KHDRBS2: variants seen among roughly 807,000 people sequenced by gnomAD.
The protein encoded by KHDRBS2 is KH domain-containing, RNA-binding, signal transduction-associated protein 2.
Under a neutral mutation model 44.3 loss-of-function variants are expected in KHDRBS2, and 26 were observed. The ratio of observed to expected loss-of-function variants is 0.59; its 90% CI spans 0.43 to 0.81. The LOEUF (loss-of-function observed/expected upper bound fraction) is 0.81. KHDRBS2 is among the 40% of genes least tolerant of loss of function. The pLI, the probability that KHDRBS2 is intolerant of heterozygous loss-of-function variation, is 0.00. For missense variants in KHDRBS2, 476 were observed against 433.1 expected (o/e 1.10, Z -0.88); for synonymous variants, 194 against 151.1 (o/e 1.28, Z -2.08).
At chr6:61,793,254 A>G (rs1317126316) in intron 6 of KHDRBS2, among the ~76,000 whole-genome samples, 1 of 152,078 alleles carries the variant, frequency 6.6e-6, no homozygotes, top group Non-Finnish European at 1.5e-5. Flanking sequence ...GATTTCAGAT[A>G]AAAATCTAAA....
intron 3 of KHDRBS2, among the ~76,000 whole-genome samples, chr6:61,990,254 A>G (rs1465819381): frequency 6.6e-6 from 1 of 152,216 alleles, no homozygotes; most frequent in Non-Finnish European, 1.5e-5. Flanking sequence ...GAAAGTTTAA[A>G]TGCAAAATAA....
chr6:61,655,244 A>ACG, the KHDRBS2 span, among the ~76,000 whole-genome samples: 2 of 151,614 alleles, frequency 1.3e-5, no homozygotes, highest in African/African-American at 4.8e-5. Flanking sequence ...ACACACACAC[A>ACG]CACACACACA....
chr6:62,135,338 C>G (rs1436130377), intron 2 of KHDRBS2, among the ~76,000 whole-genome samples: 1 of 152,184 alleles, frequency 6.6e-6, no homozygotes, highest in Non-Finnish European at 1.5e-5. Flanking sequence ...GAGGCCTCTC[C>G]AGCCATGTGG....
chr6:61,827,382 T>C (rs1211672049), intron 6 of KHDRBS2, among the ~76,000 whole-genome samples: 2 of 152,196 alleles, frequency 1.3e-5, no homozygotes, highest in Non-Finnish European at 2.9e-5. Flanking sequence ...CAGAACTTCA[T>C]TTATTTTCTT....
intron 8 of KHDRBS2, among the ~76,000 whole-genome samples, chr6:61,684,946 C>T (rs1766661078): frequency 6.6e-6 from 1 of 151,318 alleles, no homozygotes. Context: ...TCACTAAACA[C>T]ATTTTTTATT....
chr6:61,701,830 T>G (rs1175761278), intron 7 of KHDRBS2, among the ~76,000 whole-genome samples: 3 of 152,054 alleles, frequency 2.0e-5, no homozygotes, highest in Non-Finnish European at 4.4e-5. Context: ...ATTGCAGTTA[T>G]TCTGTTCCCC....
intron 2 of KHDRBS2, among the ~76,000 whole-genome samples, chr6:62,071,715 C>T (rs191893877): frequency 6.2e-4 from 94 of 152,258 alleles, no homozygotes; most frequent in African/African-American, 2.2e-3. Flanking sequence ...TGTTTTGGTA[C>T]CAGTACCATG....
chr6:61,955,058 A>G (rs1343282256), intron 4 of KHDRBS2, among the ~76,000 whole-genome samples: 1 of 144,580 alleles, frequency 6.9e-6, no homozygotes, highest in Non-Finnish European at 1.5e-5. Context: ...ACATATATGT[A>G]TGTATACACA....
intron 1 of KHDRBS2, among the ~76,000 whole-genome samples, chr6:62,273,617 T>C (rs1840439151): frequency 6.6e-6 from 1 of 152,184 alleles, no homozygotes; most frequent in African/African-American, 2.4e-5. Flanking sequence ...GTCCTTTCTA[T>C]TGCATTTTAT....
At chr6:61,769,336 C>T (rs1211734861) in intron 6 of KHDRBS2, among the ~76,000 whole-genome samples, 1 of 152,094 alleles carries the variant, frequency 6.6e-6, no homozygotes, top group African/African-American at 2.4e-5. Flanking sequence ...GTGCAGCGCA[C>T]TGTGCACGAG....
At chr6:62,243,445 T>C (rs1270976503) in intron 1 of KHDRBS2, among the ~76,000 whole-genome samples, 1 of 151,952 alleles carries the variant, frequency 6.6e-6, no homozygotes, top group African/African-American at 2.4e-5. Context: ...AAAATCAAAA[T>C]GATCACACTG....
At chr6:61,931,717 G>A (rs1300550830) in intron 4 of KHDRBS2, among the ~76,000 whole-genome samples, 2 of 152,078 alleles carry the variant, frequency 1.3e-5, no homozygotes, top group Non-Finnish European at 2.9e-5. Flanking sequence ...AACAACACAG[G>A]TTTGAACTGC....
intron 1 of KHDRBS2, among the ~76,000 whole-genome samples, chr6:62,181,272 A>C (rs1298255951): frequency 2.0e-5 from 3 of 152,018 alleles, no homozygotes; most frequent in African/African-American, 7.2e-5. Context: ...ACAGAATGGA[A>C]TGAAATATTT....
the KHDRBS2 span, among the ~76,000 whole-genome samples, chr6:61,559,552 G>T: frequency 6.6e-6 from 1 of 151,950 alleles, no homozygotes; most frequent in Non-Finnish European, 1.5e-5. Flanking sequence ...TTAATTTCTT[G>T]CTTGTTACTT....
chr6:61,585,538 G>A, the KHDRBS2 span, among the ~76,000 whole-genome samples: 94 of 152,108 alleles, frequency 6.2e-4, no homozygotes, highest in African/African-American at 2.1e-3. Context: ...TAGAAAATAC[G>A]ATTTGCAAGA....
intron 6 of KHDRBS2, among the ~76,000 whole-genome samples, chr6:61,838,772 G>A (rs1418158115): frequency 2.6e-5 from 4 of 151,884 alleles, no homozygotes; most frequent in Non-Finnish European, 4.4e-5. Flanking sequence ...ATTCCTAACC[G>A]GACTGTATTT....
At chr6:62,216,710 T>TA (rs557965735) in intron 1 of KHDRBS2, among the ~76,000 whole-genome samples, 1 of 150,334 alleles carries the variant, frequency 6.7e-6, no homozygotes, top group African/African-American at 2.4e-5. Flanking sequence ...TTTTTTTTTT[T>TA]GTTTTATTAA....
the KHDRBS2 span, among the ~76,000 whole-genome samples, chr6:61,624,392 C>A: frequency 3.9e-5 from 6 of 152,148 alleles, no homozygotes; most frequent in Non-Finnish European, 7.3e-5. Context: ...GTTGACAATT[C>A]AAGTACATTG....
intron 2 of KHDRBS2, among the ~76,000 whole-genome samples, chr6:62,053,922 T>G (rs1047032075): frequency 2.6e-5 from 4 of 151,988 alleles, no homozygotes; most frequent in African/African-American, 9.7e-5. Context: ...CAGCATATAA[T>G]TAGAGAATTT....
Sources: gnomAD v4.1 joint callset for allele counts (sites outside exome capture counted in the v4.1 genomes callset) on GRCh38, gnomAD v4.1.1 for gene constraint, MANE v1.5 for transcripts, NCBI Gene and HGNC (gene_info 2026-07-23, HGNC 2026-07-21) for gene names.